IQGAP2: variants seen among roughly 807,000 people sequenced by gnomAD.
The protein encoded by IQGAP2 is ras GTPase-activating-like protein IQGAP2.
A neutral mutation model predicts 201.3 loss-of-function variants in IQGAP2; 173 were observed. That is an observed-to-expected ratio of 0.86 (90% CI 0.76 to 0.98). The LOEUF is 0.98. IQGAP2 is among the 50% of genes least tolerant of loss of function. The pLI, the probability that IQGAP2 is intolerant of heterozygous loss-of-function variation, is 0.00. For missense variants in IQGAP2, 1,687 were observed against 1,864.8 expected (o/e 0.90, Z 1.76); for synonymous variants, 675 against 673.9 (o/e 1.00, Z -0.03).
rs577158378 is a variant in IQGAP2, at chr5:76,591,298, A to T, written c.819+712A>T. ...AATAATTCAGTGTGGTGAAGTTCAG[A>T]GAGGATGTTTTTGAATCTACAGTCT... On this transcript the variant is annotated intron_variant, in intron 8 of 35. Transcript: ENST00000274364. Among the ~76,000 whole-genome samples, 37 of 151,400 alleles carry T rather than the reference A, an allele frequency of 2.4e-4. 1 individual carries two copies. The South Asian group carries it at 4.4e-3, about 18-fold the overall frequency.
At chr5:76,496,745 C>G (rs1290137785) in intron 2 of IQGAP2, among the ~76,000 whole-genome samples, 1 of 51,074 alleles carries the variant, frequency 2.0e-5, no homozygotes, top group African/African-American at 1.0e-4. Context: ...TTCTTTCTTT[C>G]TTTCTTTCTT....
chr5:76,673,077 T>C (rs1392525928), intron 24 of IQGAP2, among the ~76,000 whole-genome samples: 1 of 151,904 alleles, frequency 6.6e-6, no homozygotes, highest in East Asian at 1.9e-4. Context: ...AAAAAATAAT[T>C]AATTTAAAAA....
chr5:76,579,722 T>G (rs1330416060), intron 5 of IQGAP2, among the ~76,000 whole-genome samples: 2 of 152,296 alleles, frequency 1.3e-5, no homozygotes, highest in African/African-American at 2.4e-5. Context: ...GACAAGGGAT[T>G]GACTGTACCC....
intron 2 of IQGAP2, among the ~76,000 whole-genome samples, chr5:76,544,483 AAGCACAGC>A (rs752468897): frequency 2.0e-5 from 3 of 152,222 alleles, no homozygotes; most frequent in Non-Finnish European, 4.4e-5. Flanking sequence ...ACATATAGCC[AAGCACAGC>A]AGCAAATGCT....
In IQGAP2 at chr5:76,601,072, A is replaced by G. The variant is rs1747398190; in HGVS notation, c.1232+100A>G. On this transcript the variant is annotated intron_variant, in intron 11 of 35. Transcript: ENST00000274364. Reference sequence around the variant, plus strand: ...CTGTTGGTGGAGAAATCCATATACCATGCTCATGTTTCTTGAAAACTAGTC... The same window carrying G: ...CTGTTGGTGGAGAAATCCATATACCGTGCTCATGTTTCTTGAAAACTAGTC... The G allele has an allele frequency of 4.4e-5, 50 of 1,134,828 alleles. No individual in the cohort carries two copies. In the South Asian group the frequency reaches 6.9e-4, roughly 16 times the overall value. 70.3% of individuals were successfully genotyped at this position (1,134,828 alleles called of 1,614,324 possible).
At chr5:76,633,146 C>T (rs980483493) in intron 15 of IQGAP2, among the ~76,000 whole-genome samples, 4 of 152,174 alleles carry the variant, frequency 2.6e-5, no homozygotes, top group African/African-American at 7.2e-5. Context: ...CTTGCTATGT[C>T]GTTTCCCACA....
At chr5:76,467,247 C>G (rs1453272016) in intron 2 of IQGAP2, among the ~76,000 whole-genome samples, 1 of 152,030 alleles carries the variant, frequency 6.6e-6, no homozygotes, top group African/African-American at 2.4e-5. Context: ...GAGCAAGACT[C>G]TGTCTCAAAA....
chr5:76,650,297 G>A (rs1340277122), intron 17 of IQGAP2, among the ~76,000 whole-genome samples: 1 of 152,232 alleles, frequency 6.6e-6, no homozygotes, highest in South Asian at 2.1e-4. Flanking sequence ...GTTTACACAT[G>A]TGCGTATTTC....
intron 1 of IQGAP2, among the ~76,000 whole-genome samples, chr5:76,405,110 T>G (rs943258561): frequency 1.1e-4 from 17 of 152,254 alleles, no homozygotes; most frequent in Non-Finnish European, 2.1e-4. Context: ...ACAAATGATT[T>G]CTTGCTATCA....
At chr5:76,686,002 A>G (rs994182869) in intron 30 of IQGAP2, among the ~76,000 whole-genome samples, 4 of 152,236 alleles carry the variant, frequency 2.6e-5, no homozygotes, top group Non-Finnish European at 5.9e-5. Context: ...GCCTGAAGAT[A>G]TGAAGTCGTA....
intron 1 of IQGAP2, among the ~76,000 whole-genome samples, chr5:76,455,469 A>G (rs1209051391): frequency 6.6e-6 from 1 of 151,714 alleles, no homozygotes; most frequent in African/African-American, 2.4e-5. Flanking sequence ...AAAAAAAAAA[A>G]AAAAAAGAGA....
intron 21 of IQGAP2, among the ~76,000 whole-genome samples, chr5:76,662,443 AG>A (rs1743342677): frequency 1.3e-5 from 2 of 152,390 alleles, no homozygotes; most frequent in South Asian, 4.1e-4. Flanking sequence ...ATTAACCAGA[AG>A]ATGAAGTCTG....
At chr5:76,675,349 C>G (rs1022015594) in intron 27 of IQGAP2, among the ~76,000 whole-genome samples, 2 of 152,048 alleles carry the variant, frequency 1.3e-5, no homozygotes, top group South Asian at 4.1e-4. Flanking sequence ...CCCAAACATA[C>G]CAAGGAACGA....
chr5:76,457,633 A>G (rs1160483872), intron 1 of IQGAP2, among the ~76,000 whole-genome samples: 2 of 152,194 alleles, frequency 1.3e-5, no homozygotes, highest in African/African-American at 4.8e-5. Flanking sequence ...AATAGGGGAA[A>G]TTAAACAGCG....
chr5:76,528,580 A>G (rs1277655212), intron 2 of IQGAP2, among the ~76,000 whole-genome samples: 1 of 152,242 alleles, frequency 6.6e-6, no homozygotes, highest in Non-Finnish European at 1.5e-5. Context: ...AATTCAGTTC[A>G]TAAAAACCAA....
intron 21 of IQGAP2, among the ~76,000 whole-genome samples, chr5:76,659,383 C>A (rs574434622): frequency 1.3e-5 from 2 of 152,070 alleles, no homozygotes; most frequent in African/African-American, 4.8e-5. Flanking sequence ...GATACAGTTA[C>A]CAGAGGTGTA....
intron 2 of IQGAP2, chr5:76,547,262 A>C (rs1160152442): frequency 5.0e-5 from 8 of 159,404 alleles, no homozygotes; most frequent in Non-Finnish European, 9.4e-5. Context: ...AAGGGGAGGA[A>C]GAGAAGGAAG....
chr5:76,583,579 T>G (rs1746026427), intron 5 of IQGAP2, among the ~76,000 whole-genome samples: 1 of 152,156 alleles, frequency 6.6e-6, no homozygotes, highest in South Asian at 2.1e-4. Context: ...CTTAAGAAAA[T>G]ATCAGACTTA....
chr5:76,483,167 G>A (rs1448776832), intron 2 of IQGAP2, among the ~76,000 whole-genome samples: 1 of 152,172 alleles, frequency 6.6e-6, no homozygotes, highest in Non-Finnish European at 1.5e-5. Context: ...TATTGATAGT[G>A]TTTGCACGTT....
Sources: gnomAD v4.1 joint callset for allele counts (sites outside exome capture counted in the v4.1 genomes callset) on GRCh38, gnomAD v4.1.1 for gene constraint, MANE v1.5 for transcripts, NCBI Gene and HGNC (gene_info 2026-07-23, HGNC 2026-07-21) for gene names.